NF1: variants seen among roughly 807,000 people sequenced by gnomAD.
The protein encoded by NF1 is neurofibromin.
In NF1, 122 loss-of-function variants were observed where a neutral mutation model predicts 325.7. The ratio of observed to expected loss-of-function variants is 0.37; its 90% CI spans 0.32 to 0.44. The LOEUF (loss-of-function observed/expected upper bound fraction) is 0.44. NF1 is among the 20% of genes least tolerant of loss of function. The probability of loss-of-function intolerance (pLI) is 1.00; values close to 1 mark genes in which losing one functional copy is unlikely to be tolerated. For synonymous variants in NF1, 1,091 were observed against 1,186.0 expected (o/e 0.92, Z 1.65); for missense variants, 2,140 against 3,415.4 (o/e 0.63, Z 9.31).
chr17:31,166,245 G>A (rs867576085), intron 4 of NF1, among the ~76,000 whole-genome samples: 2 of 151,942 alleles, frequency 1.3e-5, no homozygotes, highest in Admixed American at 1.3e-4. Context: ...AAATCTGTTC[G>A]TTATGGTTTC....
chr17:31,366,956 C>A (rs984367789), intron 57 of NF1, among the ~76,000 whole-genome samples: 1 of 152,004 alleles, frequency 6.6e-6, no homozygotes, highest in East Asian at 1.9e-4. Flanking sequence ...ATTTTTAAAT[C>A]TAATTTTTAG....
chr17:31,241,550 CAAT>C (rs1391563063), intron 29 of NF1, among the ~76,000 whole-genome samples: 4 of 151,964 alleles, frequency 2.6e-5, no homozygotes, highest in African/African-American at 9.7e-5. Flanking sequence ...TGAGGCTTGC[CAAT>C]AATATTTTAT....
At chr17:31,327,028 G>A (rs1296767705) in intron 37 of NF1, among the ~76,000 whole-genome samples, 1 of 140,540 alleles carries the variant, frequency 7.1e-6, no homozygotes, top group Non-Finnish European at 1.6e-5. Context: ...GAGTGCAGTG[G>A]CATGATCTTG....
At chr17:31,181,646 T>A (rs1467981394) in intron 6 of NF1, 64 bp from the exon 7 acceptor site, 2 of 1,345,322 alleles carry the variant, frequency 1.5e-6, no homozygotes, top group African/African-American at 2.9e-5. Context: ...GTTAGAAGTT[T>A]GTGACATTTT....
rs113771322 is a variant in NF1, at chr17:31,312,551, A to G, written c.4836-13269A>G. On this transcript the variant is annotated intron_variant, in intron 36 of 57. Coordinates refer to ENST00000358273, the MANE Select transcript of NF1 (RefSeq NM_001042492.3). ...AAAAAAAAAAGTATGGGATTCTATG[A>G]CAAAAACACACCATAAGGATCGATG... Among the ~76,000 whole-genome samples the G allele has an allele frequency of 3.7e-3, 555 of 151,906 alleles. 5 individuals carry two copies. The highest frequency in any genetic ancestry group is 0.013 in the African/African-American group (527 of 41,446).
intron 1 of NF1, among the ~76,000 whole-genome samples, chr17:31,140,844 A>G (rs1916155771): frequency 6.6e-6 from 1 of 152,260 alleles, no homozygotes; most frequent in Admixed American, 6.5e-5. Context: ...GAAATAGACC[A>G]CGCACAAAAA....
chr17:31,208,551 G>A (rs767148006), intron 12 of NF1, among the ~76,000 whole-genome samples: 3 of 152,074 alleles, frequency 2.0e-5, no homozygotes, highest in East Asian at 1.9e-4. Context: ...TCCCCTCACC[G>A]AGATTCCAAG....
intron 30 of NF1, 146 bp downstream of exon 30, chr17:31,249,265 G>T: frequency 1.0e-6 from 1 of 1,002,084 alleles, no homozygotes. Flanking sequence ...AGAATTGTTG[G>T]AATTGTCTTT....
Position 31,350,284 on chromosome 17 carries a change from A to G in NF1, c.7423A>G (p.Thr2475Ala), listed in dbSNP as rs1597859789. 1 of 1,613,044 alleles carries G rather than the reference A, an allele frequency of 6.2e-7. No homozygotes were observed. Among genetic ancestry groups the G allele is most frequent in the Non-Finnish European group, 8.5e-7 (1 of 1,179,148 alleles). Residue 2475 changes from threonine to alanine, a missense_variant, in exon 50 of 58, where the codon ACA (threonine) becomes GCA (alanine). Thr to Ala is a moderately conservative substitution (Grantham distance 58, BLOSUM62 0). Transcript: ENST00000358273. ...DISMENVPMD[T>A]YPIHHGDPSY... Reference sequence around the variant, plus strand: ...TTCAATGGAAAATGTTCCTATGGATACATATCCCATTCATCATGGTGACCC... The same window carrying G: ...TTCAATGGAAAATGTTCCTATGGATGCATATCCCATTCATCATGGTGACCC...
chr17:31,256,614 G>A (rs1435998519), intron 31 of NF1, among the ~76,000 whole-genome samples: 1 of 152,140 alleles, frequency 6.6e-6, no homozygotes, highest in African/African-American at 2.4e-5. Flanking sequence ...GTTCAACACC[G>A]TACTGGAATA....
At chr17:31,275,770 T>C (rs2067996012) in intron 36 of NF1, among the ~76,000 whole-genome samples, 1 of 152,224 alleles carries the variant, frequency 6.6e-6, no homozygotes, top group Non-Finnish European at 1.5e-5. Flanking sequence ...TTTAGTACTT[T>C]ATACTTTGAT....
rs9914217 is a variant in NF1, at chr17:31,215,711, G to T, written c.1527+1126G>T. Among the ~76,000 whole-genome samples, 8,345 of 152,160 alleles carry T rather than the reference G, an allele frequency of 0.055. 737 individuals carry two copies. Among genetic ancestry groups the T allele is most frequent in the African/African-American group, 0.19 (7,830 of 41,490 alleles). On this transcript the variant is annotated intron_variant, in intron 13 of 57. Transcript: ENST00000358273. ...TAGGATGACATGTTTAACCTTTGTT[G>T]AGCTTCTTCAGTCCCTGGAGAGCAG...
At chr17:31,359,944 A>G (rs1318826226) in intron 56 of NF1, 1 of 174,806 alleles carries the variant, frequency 5.7e-6, no homozygotes, top group Non-Finnish European at 1.2e-5. Context: ...TATGAATTGT[A>G]TAAACCTTGT....
intron 36 of NF1, among the ~76,000 whole-genome samples, chr17:31,324,888 C>T (rs1198024346): frequency 6.6e-6 from 1 of 152,126 alleles, no homozygotes; most frequent in Non-Finnish European, 1.5e-5. Flanking sequence ...ATCCATTAAC[C>T]AACCTCTGAG....
chr17:31,181,678 C>T (rs2143776724), intron 6 of NF1, 32 bp from the exon 7 acceptor site: 1 of 1,499,820 alleles, frequency 6.7e-7, no homozygotes, highest in Non-Finnish European at 9.3e-7. Context: ...TACAAAAAAT[C>T]ACTGTAAAGA....
intron 36 of NF1, chr17:31,307,821 C>T (rs1014808714): frequency 1.7e-5 from 19 of 1,100,734 alleles, no homozygotes; most frequent in Non-Finnish European, 2.0e-5. Flanking sequence ...TCTTCTGACT[C>T]ATAAGCCTAT....
chr17:31,369,999 T>G (rs2070602543), intron 57 of NF1, among the ~76,000 whole-genome samples: 1 of 152,174 alleles, frequency 6.6e-6, no homozygotes, highest in African/African-American at 2.4e-5. Context: ...GTAATGCATT[T>G]TAATTGTTTT....
intron 36 of NF1, among the ~76,000 whole-genome samples, chr17:31,302,481 G>T (rs113692076): frequency 0.021 from 3,227 of 152,170 alleles, 126 homozygotes; most frequent in African/African-American, 0.074. Flanking sequence ...ACAAAAATTC[G>T]TAAAATTAAA....
intron 8 of NF1, among the ~76,000 whole-genome samples, chr17:31,186,233 C>T (rs2066236556): frequency 6.6e-6 from 1 of 152,180 alleles, no homozygotes; most frequent in South Asian, 2.1e-4. Flanking sequence ...CCTTCTCTCT[C>T]CCCACCTATA....
Sources: allele counts gnomAD v4.1 joint callset (sites outside exome capture counted in the v4.1 genomes callset), GRCh38; gene constraint gnomAD v4.1.1; transcripts MANE v1.5; gene names NCBI Gene and HGNC (gene_info 2026-07-23, HGNC 2026-07-21).